The following PATJ variants were observed in gnomAD, a reference collection of about 807,000 sequenced individuals.
The protein encoded by PATJ is inaD-like protein.
PATJ carries 190 observed loss-of-function variants against 224.9 expected under a neutral mutation model. That is an observed-to-expected ratio of 0.84 (90% CI 0.75 to 0.95). The LOEUF (loss-of-function observed/expected upper bound fraction) is 0.95, where lower values mean the gene tolerates loss of function less well. Among genes scored for constraint, PATJ ranks in the 40% least tolerant of loss-of-function variants. The pLI, the probability that PATJ is intolerant of heterozygous loss-of-function variation, is 0.00. For missense variants in PATJ, 2,121 were observed against 2,270.3 expected (o/e 0.93, Z 1.34); for synonymous variants, 769 against 820.3 (o/e 0.94, Z 1.07).
intron 41 of PATJ, 51 bp downstream of exon 41, chr1:62,128,996 C>A: frequency 2.4e-6 from 3 of 1,259,868 alleles, no homozygotes; most frequent in Admixed American, 1.7e-5. Flanking sequence ...AAGTGGCATG[C>A]AAAAAAGATT....
intron 27 of PATJ, among the ~76,000 whole-genome samples, chr1:61,928,062 A>G (rs138261305): frequency 3.9e-5 from 6 of 152,294 alleles, no homozygotes; most frequent in East Asian, 1.9e-4. Flanking sequence ...TATTTTTCCT[A>G]TATTCCCTTC....
chr1:61,947,781 A>G (rs912492471), intron 27 of PATJ, among the ~76,000 whole-genome samples: 3 of 152,220 alleles, frequency 2.0e-5, no homozygotes, highest in Non-Finnish European at 4.4e-5. Flanking sequence ...AAAAGAACAA[A>G]GCTGGAGTCA....
intron 41 of PATJ, among the ~76,000 whole-genome samples, chr1:62,129,880 A>C (rs1666089089): frequency 6.6e-6 from 1 of 152,138 alleles, no homozygotes; most frequent in African/African-American, 2.4e-5. Context: ...AGGAGGTTGC[A>C]GTGAGCCAAG....
chr1:61,763,668 T>G (rs1036188226), intron 3 of PATJ, among the ~76,000 whole-genome samples: 1 of 150,394 alleles, frequency 6.6e-6, no homozygotes, highest in Non-Finnish European at 1.5e-5. Flanking sequence ...ATATATTTTC[T>G]TTTTATTTTG....
intron 22 of PATJ, among the ~76,000 whole-genome samples, chr1:61,894,147 G>A (rs1028616217): frequency 2.5e-4 from 38 of 151,910 alleles, no homozygotes; most frequent in African/African-American, 7.5e-4. Context: ...CCAGCTACTC[G>A]GGAGGCTGAG....
intron 27 of PATJ, among the ~76,000 whole-genome samples, chr1:61,964,164 G>A (rs1028434910): frequency 6.8e-6 from 1 of 146,510 alleles, no homozygotes; most frequent in Non-Finnish European, 1.5e-5. Context: ...TCATTGTATC[G>A]TCTGCCTCCC....
At chr1:61,956,323 G>C (rs569926062) in intron 27 of PATJ, among the ~76,000 whole-genome samples, 1 of 152,160 alleles carries the variant, frequency 6.6e-6, no homozygotes, top group African/African-American at 2.4e-5. Flanking sequence ...GTATTTTCAT[G>C]TTTGACCTAA....
rs535481890 is a variant in PATJ, at chr1:61,923,922, C to CAA, written c.3571-3791_3571-3790dup. On this transcript the variant is annotated intron_variant, in intron 26 of 43. Coordinates refer to ENST00000642238, the MANE Select transcript of PATJ (RefSeq NM_001350145.3). ...GGACGACAAGACTGAAACTCCATCTCAAAAAAAAAAAAAAAAAAGTGACTA... is the reference window on the plus strand; with the variant it reads ...GGACGACAAGACTGAAACTCCATCTCAAAAAAAAAAAAAAAAAAAAGTGACTA... 8.5e-4 allele frequency among the ~76,000 whole-genome samples: 66 copies of CAA among 77,756 alleles called. 1 individual carries two copies. Among genetic ancestry groups the CAA allele is most frequent in the South Asian group, 1.5e-3 (4 of 2,754 alleles). 51.0% of individuals were successfully genotyped at this position (77,756 alleles called of 152,430 possible).
intron 12 of PATJ, among the ~76,000 whole-genome samples, chr1:61,802,375 G>A (rs903377158): frequency 3.3e-5 from 5 of 152,308 alleles, no homozygotes; most frequent in African/African-American, 1.2e-4. Context: ...TTATAGGCGT[G>A]AGCCACCGTG....
intron 28 of PATJ, among the ~76,000 whole-genome samples, chr1:62,011,971 G>A (rs550407944): frequency 1.4e-4 from 21 of 151,250 alleles, no homozygotes; most frequent in African/African-American, 3.6e-4. Flanking sequence ...AGGCTGTAGC[G>A]AGCCATGTGC....
chr1:62,071,189 C>G (rs1416716661), intron 31 of PATJ, among the ~76,000 whole-genome samples: 1 of 152,206 alleles, frequency 6.6e-6, no homozygotes, highest in East Asian at 1.9e-4. Flanking sequence ...AGTGTCCTTT[C>G]TAGGTCGCTT....
intron 41 of PATJ, among the ~76,000 whole-genome samples, chr1:62,130,681 C>G (rs1054811293): frequency 6.6e-6 from 1 of 151,872 alleles, no homozygotes; most frequent in Non-Finnish European, 1.5e-5. Flanking sequence ...GAAACCCCAT[C>G]TCTACTAAAA....
chr1:61,948,711 T>C (rs1370146087), intron 27 of PATJ, among the ~76,000 whole-genome samples: 1 of 152,228 alleles, frequency 6.6e-6, no homozygotes, highest in East Asian at 1.9e-4. Flanking sequence ...ATCCCATTAC[T>C]GGGCATATAC....
At chr1:62,137,797 G>A (rs896418620) in intron 41 of PATJ, among the ~76,000 whole-genome samples, 10 of 152,086 alleles carry the variant, frequency 6.6e-5, no homozygotes, top group African/African-American at 9.6e-5. Context: ...CAGCCTCCCC[G>A]TCCTCTGGTG....
At chr1:61,919,422 G>T (rs1264449357) in intron 26 of PATJ, among the ~76,000 whole-genome samples, 1 of 151,466 alleles carries the variant, frequency 6.6e-6, no homozygotes, top group Non-Finnish European at 1.5e-5. Context: ...TCCCATCTGA[G>T]CCTCCCAAGT....
At position 61,908,476 on chromosome 1, in the gene PATJ, T is replaced by C; in HGVS notation, c.3486T>C (p.Thr1162=). Residue 1162 remains threonine, a synonymous_variant, in exon 25 of 44, where the codon ACT becomes ACC. Coordinates refer to ENST00000642238, the MANE Select transcript of PATJ (RefSeq NM_001350145.3). The part of the protein sequence containing the change: ...VVFIVQSLSS[T]PRVIPNVHNK... Reference sequence around the variant, plus strand: ...TCATTGTTCAGAGTTTGTCATCCACTCCACGAGTAAGTTTTAGTTCATATT... The same window carrying C: ...TCATTGTTCAGAGTTTGTCATCCACCCCACGAGTAAGTTTTAGTTCATATT... 1.9e-6 allele frequency: 3 copies of C among 1,606,308 alleles called. No individual in the cohort carries two copies. The highest frequency in any genetic ancestry group is 8.5e-7 in the Non-Finnish European group (1 of 1,172,954).
chr1:61,931,309 A>ATAGTTT (rs1371152580), intron 27 of PATJ, among the ~76,000 whole-genome samples: 3 of 152,362 alleles, frequency 2.0e-5, no homozygotes, highest in South Asian at 2.1e-4. Flanking sequence ...AAGATTATAA[A>ATAGTTT]CAATCAGATA....
chr1:62,005,908 G>C (rs1299891273), intron 28 of PATJ, among the ~76,000 whole-genome samples: 2 of 151,906 alleles, frequency 1.3e-5, no homozygotes. Context: ...TTGTGGGTGG[G>C]GTATTGTTAG....
chr1:62,056,351 A>C (rs1654532175), intron 31 of PATJ, among the ~76,000 whole-genome samples: 1 of 152,206 alleles, frequency 6.6e-6, no homozygotes, highest in African/African-American at 2.4e-5. Flanking sequence ...TAAGAGATAA[A>C]GCACTGAAAT....
Sources: allele counts gnomAD v4.1 joint callset (sites outside exome capture counted in the v4.1 genomes callset), GRCh38; gene constraint gnomAD v4.1.1; transcripts MANE v1.5; gene names NCBI Gene and HGNC (gene_info 2026-07-23, HGNC 2026-07-21).